Variants in CFAP74 observed in about 807,000 individuals in gnomAD.
The protein encoded by CFAP74 is cilia- and flagella-associated protein 74.
In CFAP74, 124 loss-of-function variants were observed where a neutral mutation model predicts 188.9. The observed-to-expected ratio is 0.66, with a 90% CI of 0.57 to 0.76. The LOEUF is 0.76. CFAP74 is among the 30% of genes least tolerant of loss of function. The probability of loss-of-function intolerance (pLI) is 0.00; values close to 1 mark genes in which losing one functional copy is unlikely to be tolerated. For synonymous variants in CFAP74, 956 were observed against 916.7 expected, an observed-to-expected ratio of 1.04 and a Z score of -0.77; for missense variants, 2,198 against 2,165.2, an observed-to-expected ratio of 1.02 and a Z score of -0.30.
rs1450634018 is a variant in CFAP74, at chr1:1,922,742, C to T, written c.4684-19G>A. ...CAACGGTCTGTGGGGTATGGGGCTC[C>T]TGTAGGCTGGCGACCAGGCACCGCT... On this transcript the variant is annotated intron_variant, in intron 37 of 38. Coordinates refer to ENST00000682832, the MANE Select transcript of CFAP74 (RefSeq NM_001304360.2). 2.9e-5 allele frequency: 46 copies of T among 1,598,428 alleles called. No homozygotes were observed. Among genetic ancestry groups the T allele is most frequent in the Non-Finnish European group, 3.0e-5 (35 of 1,173,656 alleles).
intron 12 of CFAP74, among the ~76,000 whole-genome samples, chr1:1,965,401 G>C (rs1655400700): frequency 6.6e-6 from 1 of 152,224 alleles, no homozygotes; most frequent in Non-Finnish European, 1.5e-5. Flanking sequence ...GTTAAATCAG[G>C]ACAAGAGGAA....
rs377345520 is a variant in CFAP74 at position 1,923,919 on chromosome 1, A to C, written c.4245T>G (p.Asn1415Lys). 7.5e-6 allele frequency: 12 copies of C among 1,610,238 alleles called. No homozygotes were observed. Among genetic ancestry groups the C allele is most frequent in the Non-Finnish European group, 1.0e-5 (12 of 1,178,256 alleles). Reference protein sequence around the residue: ...SQRTEVVGTQNLNGQSVFSVA... With the variant: ...SQRTEVVGTQKLNGQSVFSVA... Reference sequence around the variant, plus strand: ...CGCTGAACACGCTCTGACCGTTGAGATTCTGCGTCCCTGCGGGTAGGGTGG... The same window carrying C: ...CGCTGAACACGCTCTGACCGTTGAGCTTCTGCGTCCCTGCGGGTAGGGTGG... The change falls in exon 35 of 39, where the codon AAT becomes AAG. Residue 1415 changes from asparagine to lysine, a missense_variant. By Grantham distance (94) the Asn-to-Lys change is moderately conservative. Coordinates refer to ENST00000682832, the MANE Select transcript of CFAP74 (RefSeq NM_001304360.2). This position sits in a 1 kb window ranked among gnomAD's most constrained non-coding sequence, Gnocchi z 6.3.
At chr1:1,966,334 T>A in intron 12 of CFAP74, 37 bp downstream of exon 12, 1 of 1,445,832 alleles carries the variant, frequency 6.9e-7, no homozygotes, top group Non-Finnish European at 9.2e-7. Flanking sequence ...AGGGCCGGGG[T>A]CCGTCTGCAA....
intron 23 of CFAP74, among the ~76,000 whole-genome samples, 153 bp downstream of exon 23, chr1:1,940,163 A>T (rs1337232269): frequency 1.3e-5 from 2 of 152,228 alleles, no homozygotes; most frequent in Non-Finnish European, 2.9e-5. Context: ...CCCTCCCAGC[A>T]GGCAAGCCCC....
intron 25 of CFAP74, among the ~76,000 whole-genome samples, chr1:1,936,217 CAAAA>C (rs112657762): frequency 1.0e-5 from 1 of 100,080 alleles, no homozygotes; most frequent in Non-Finnish European, 2.2e-5. Flanking sequence ...TGCTCCGTCT[CAAAA>C]AAAAAAAAAA....
At chr1:1,943,594 C>T (rs1242095428) in intron 21 of CFAP74, among the ~76,000 whole-genome samples, 1 of 152,240 alleles carries the variant, frequency 6.6e-6, no homozygotes, top group South Asian at 2.1e-4. Flanking sequence ...TCAGGGCAGG[C>T]TGCTTGCTCT....
rs1447045379 is a variant in CFAP74 at position 1,946,980 on chromosome 1, G to A, written c.2241+10C>T. 3.3e-6 allele frequency: 5 copies of A among 1,533,554 alleles called. No individual in the cohort carries two copies. Among genetic ancestry groups the A allele is most frequent in the African/African-American group, 1.4e-5 (1 of 73,126 alleles). The allele number at this position is 1,533,554 out of a possible 1,614,324, so 95.0% of individuals were successfully genotyped here. A position where few individuals can be genotyped will look rare whatever the true frequency, so the allele number is the denominator to read the frequency against. The stretch of plus-strand genomic sequence containing the variant: ...TCGTGGCAGCTATTTTAGGGCCTGA[G>A]CTGGCTGACCTCCCCCAGCGTGATC... On this transcript the variant is annotated intron_variant, in intron 19 of 38. Transcript: ENST00000682832.
At chr1:1,972,476 C>T (rs916171893) in intron 8 of CFAP74, among the ~76,000 whole-genome samples, 10 of 152,386 alleles carry the variant, frequency 6.6e-5, no homozygotes, top group Admixed American at 2.6e-4. Context: ...TCAAGGGCCT[C>T]TTCTGAAAAG....
At chr1:1,959,444 T>G (rs1654909926) in intron 15 of CFAP74, among the ~76,000 whole-genome samples, 1 of 152,090 alleles carries the variant, frequency 6.6e-6, no homozygotes, top group South Asian at 2.1e-4. Flanking sequence ...AATTGTATTT[T>G]TTGTAGAGAC....
At chr1:1,999,888 G>A (rs965477013) in intron 1 of CFAP74, among the ~76,000 whole-genome samples, 18 of 150,668 alleles carry the variant, frequency 1.2e-4, no homozygotes, top group Middle Eastern at 3.7e-3. Context: ...CCTACAGGCC[G>A]GGCGCGGTGG....
At chr1:1,989,482 T>C (rs1657448901) in intron 2 of CFAP74, among the ~76,000 whole-genome samples, 1 of 152,058 alleles carries the variant, frequency 6.6e-6, no homozygotes. Flanking sequence ...GTCATGAACC[T>C]GACGTGGAGT....
chr1:1,974,222 T>TG, intron 6 of CFAP74, 24 bp from the exon 7 acceptor site: 1 of 1,569,932 alleles, frequency 6.4e-7, no homozygotes, highest in South Asian at 1.2e-5. Context: ...GCAAAGCAGC[T>TG]GGAGACGGGC....
At chr1:1,960,139 C>G (rs772166723) in intron 14 of CFAP74, 109 bp from the exon 15 acceptor site, 2 of 912,806 alleles carry the variant, frequency 2.2e-6, no homozygotes, top group Non-Finnish European at 3.3e-6. Flanking sequence ...CTCCCCATCC[C>G]GGGCCTGGCC....
intron 23 of CFAP74, 68 bp downstream of exon 23, chr1:1,940,248 T>G: frequency 7.8e-7 from 1 of 1,276,216 alleles, no homozygotes; most frequent in Non-Finnish European, 1.1e-6. Flanking sequence ...GTGCTGGGCC[T>G]GGCCTCCCAG....
intron 6 of CFAP74, among the ~76,000 whole-genome samples, chr1:1,974,631 G>A (rs1303206522): frequency 6.6e-6 from 1 of 152,226 alleles, no homozygotes; most frequent in East Asian, 1.9e-4. Flanking sequence ...TGGGGTGGGG[G>A]CTATGGAGCG....
intron 18 of CFAP74, chr1:1,953,168 C>T (rs930187656): frequency 6.6e-6 from 1 of 152,254 alleles, no homozygotes; most frequent in Admixed American, 6.5e-5. Context: ...TACCTGGCTT[C>T]AAGGCTTTGT....
chr1:1,990,418 G>T (rs1277294172), intron 2 of CFAP74, among the ~76,000 whole-genome samples: 1 of 136,790 alleles, frequency 7.3e-6, no homozygotes, highest in Admixed American at 7.5e-5. Flanking sequence ...GCCACACAGC[G>T]CCAGGAGCTG....
chr1:1,938,103 A>AC (rs1653041556), intron 25 of CFAP74, among the ~76,000 whole-genome samples: 2 of 141,096 alleles, frequency 1.4e-5, no homozygotes, highest in African/African-American at 5.2e-5. Context: ...AACCTTACAC[A>AC]CCCACATACA....
In CFAP74 at chr1:1,923,894, C is replaced by T. The variant is rs1281356386; in HGVS notation, c.4270G>A (p.Val1424Met). 8.1e-6 allele frequency: 13 copies of T among 1,612,778 alleles called. No individual in the cohort carries two copies. Among genetic ancestry groups the T allele is most frequent in the Middle Eastern group, 1.7e-4 (1 of 6,056 alleles). ...TCCATGACGCCCTTGACGGGGGCCACGCTGAACACGCTCTGACCGTTGAGA... is the reference window on the plus strand; with the variant it reads ...TCCATGACGCCCTTGACGGGGGCCATGCTGAACACGCTCTGACCGTTGAGA... ...QNLNGQSVFS[V>M]APVKGVMDPG... The change falls in exon 35 of 39, where the codon GTG (valine) becomes ATG (methionine). Residue 1424 changes from valine to methionine, a missense_variant. Transcript: ENST00000682832. The surrounding 1 kb of genome is among the most constrained non-coding windows in gnomAD (Gnocchi z 6.3).
Sources: allele counts gnomAD v4.1 joint callset (sites outside exome capture counted in the v4.1 genomes callset), GRCh38; gene constraint gnomAD v4.1.1; non-coding constraint Gnocchi (gnomAD v3.1); transcripts MANE v1.5; gene names NCBI Gene and HGNC (gene_info 2026-07-23, HGNC 2026-07-21).